The following DLGAP2 variants were observed in gnomAD, a reference collection of about 807,000 sequenced individuals.
The protein encoded by DLGAP2 is DLG associated protein 2, also known as disks large-associated protein 2.
DLGAP2 carries 26 observed loss-of-function variants against 100.3 expected under a neutral mutation model. The observed-to-expected ratio is 0.26, with a 90% CI of 0.19 to 0.36. The LOEUF (loss-of-function observed/expected upper bound fraction) is 0.36, where lower values mean the gene tolerates loss of function less well. Ranked by LOEUF, DLGAP2 falls within the 10% of genes least tolerant of loss-of-function variation. DLGAP2 has a pLI of 1.00. For synonymous variants in DLGAP2, 886 were observed against 630.1 expected, an observed-to-expected ratio of 1.41 and a Z score of -6.08; for missense variants, 1,858 against 1,453.2, an observed-to-expected ratio of 1.28 and a Z score of -4.53.
intron 2 of DLGAP2, among the ~76,000 whole-genome samples, chr8:1,196,344 G>T (rs554955199): frequency 1.3e-5 from 2 of 152,350 alleles, no homozygotes; most frequent in South Asian, 4.1e-4. Flanking sequence ...CCTGTTTGGA[G>T]TGTACCTGTC....
chr8:1,283,826 CA>C (rs1236520768), intron 3 of DLGAP2, among the ~76,000 whole-genome samples: 2 of 152,142 alleles, frequency 1.3e-5, no homozygotes, highest in African/African-American at 4.8e-5. Flanking sequence ...TAAGCACTAC[CA>C]CACTTAAAGT....
At chr8:1,422,324 CAATT>C (rs1211060383) in intron 3 of DLGAP2, among the ~76,000 whole-genome samples, 1 of 151,898 alleles carries the variant, frequency 6.6e-6, no homozygotes, top group Admixed American at 6.6e-5. Flanking sequence ...TGCATTCCAG[CAATT>C]AATTATGTAC....
chr8:1,430,934 G>A (rs748578929), intron 3 of DLGAP2, among the ~76,000 whole-genome samples: 13 of 152,196 alleles, frequency 8.5e-5, no homozygotes, highest in Non-Finnish European at 1.8e-4. Context: ...GCTGTTGACT[G>A]TCTCTGGGGT....
At chr8:1,632,508 G>A (rs1797671828) in intron 7 of DLGAP2, among the ~76,000 whole-genome samples, 1 of 152,168 alleles carries the variant, frequency 6.6e-6, no homozygotes, top group African/African-American at 2.4e-5. Flanking sequence ...TTTGTACCAG[G>A]TACTTTGCTA....
chr8:848,930 TG>T, intron 1 of DLGAP2, among the ~76,000 whole-genome samples: 1 of 150,990 alleles, frequency 6.6e-6, no homozygotes, highest in Non-Finnish European at 1.5e-5. Flanking sequence ...GCGCGGTGCC[TG>T]TTCCAGCATA....
chr8:977,542 G>A (rs962218966), intron 2 of DLGAP2, among the ~76,000 whole-genome samples: 4 of 152,130 alleles, frequency 2.6e-5, no homozygotes, highest in Non-Finnish European at 4.4e-5. Context: ...TTAGTTTTGG[G>A]TACTTATTTT....
At chr8:1,680,296 G>C (rs1052395761) in intron 12 of DLGAP2, among the ~76,000 whole-genome samples, 5 of 152,212 alleles carry the variant, frequency 3.3e-5, no homozygotes, top group African/African-American at 1.2e-4. Flanking sequence ...TTCATTTCTA[G>C]ATGGCTGTTT....
At chr8:1,067,792 C>G (rs1009222912) in intron 2 of DLGAP2, among the ~76,000 whole-genome samples, 1 of 152,070 alleles carries the variant, frequency 6.6e-6, no homozygotes, top group African/African-American at 2.4e-5. Context: ...GCTGATGGAC[C>G]AACACGACAC....
chr8:1,699,914 T>C (rs1028320083), intron 14 of DLGAP2, among the ~76,000 whole-genome samples: 2 of 152,200 alleles, frequency 1.3e-5, no homozygotes, highest in Non-Finnish European at 2.9e-5. Flanking sequence ...AGGAAACAGA[T>C]CCTCTTCTCT....
intron 3 of DLGAP2, among the ~76,000 whole-genome samples, chr8:1,436,425 G>T (rs771775354): frequency 6.6e-6 from 1 of 152,130 alleles, no homozygotes; most frequent in African/African-American, 2.4e-5. Context: ...TAGCCGTGCT[G>T]GCAGCCGAAT....
intron 1 of DLGAP2, among the ~76,000 whole-genome samples, chr8:870,624 G>C (rs931816942): frequency 6.6e-6 from 1 of 151,910 alleles, no homozygotes; most frequent in African/African-American, 2.4e-5. Context: ...CATTCTTTTG[G>C]TTTTCCTTCC....
rs78870424 is a variant in DLGAP2 at position 756,078 on chromosome 8, C to T, written c.18+18253C>T. ...GCCAGGCTGTGAGGGCCTTTTAGGT[C>T]ATGTTAGCGGCTTTTTTTGTGCTAA... On this transcript the variant is annotated intron_variant, in intron 1 of 14. Transcript: ENST00000637795. Among the ~76,000 whole-genome samples, 4 of 152,226 alleles carry T rather than the reference C, an allele frequency of 2.6e-5. No individual in the cohort carries two copies. The East Asian group carries it at 7.7e-4, about 29-fold the overall frequency.
rs1349122138 is a variant in DLGAP2 at position 1,705,128 on chromosome 8, T to A, written c.*3722T>A. On this transcript the variant is annotated 3_prime_UTR_variant, in exon 15 of 15. Coordinates refer to ENST00000637795, the MANE Select transcript of DLGAP2 (RefSeq NM_001346810.2). Reference sequence around the variant, plus strand: ...CTGTGTTTGCAGCGCCTGTGGTAACTGTGGAATGAGCTCTGTTAGGGACAG... The same window carrying A: ...CTGTGTTTGCAGCGCCTGTGGTAACAGTGGAATGAGCTCTGTTAGGGACAG... The A allele has an allele frequency of 6.6e-6, 1 of 152,248 alleles. No homozygotes were observed. Among genetic ancestry groups the A allele is most frequent in the Admixed American group, 6.5e-5 (1 of 15,286 alleles). The allele number at this position is 152,248 out of a possible 1,614,324, so 9.4% of individuals were successfully genotyped here.
At chr8:1,520,908 C>T (rs892681452) in intron 4 of DLGAP2, among the ~76,000 whole-genome samples, 1 of 152,164 alleles carries the variant, frequency 6.6e-6, no homozygotes, top group Non-Finnish European at 1.5e-5. Flanking sequence ...TGGTGAGTGC[C>T]TAGTTTTGTA....
At chr8:1,518,446 G>C (rs533215619) in intron 4 of DLGAP2, among the ~76,000 whole-genome samples, 1 of 152,300 alleles carries the variant, frequency 6.6e-6, no homozygotes, top group Admixed American at 6.5e-5. Context: ...CTTCATGTAT[G>C]CTTGTGCATT....
Position 1,652,019 on chromosome 8 carries a change from G to A in DLGAP2, c.1811-16310G>A, listed in dbSNP as rs578004446. Among the ~76,000 whole-genome samples, 40 of 152,328 alleles carry A rather than the reference G, an allele frequency of 2.6e-4. 1 individual carries two copies. In the South Asian group the frequency reaches 7.9e-3, roughly 30 times the overall value. ...CGTTTCTGCAAGCCCCACTTGCCCA[G>A]TGAGGCTTTCTCTTTTTCCTTGAGA... On this transcript the variant is annotated intron_variant, in intron 8 of 14. Transcript: ENST00000637795.
At chr8:1,285,622 A>G (rs2116957659) in intron 3 of DLGAP2, among the ~76,000 whole-genome samples, 1 of 152,294 alleles carries the variant, frequency 6.6e-6, no homozygotes, top group African/African-American at 2.4e-5. Flanking sequence ...GCTTTTTCAG[A>G]GGGGAAAAAA....
intron 2 of DLGAP2, among the ~76,000 whole-genome samples, chr8:973,435 G>A (rs1800073729): frequency 6.6e-6 from 1 of 152,000 alleles, no homozygotes; most frequent in South Asian, 2.1e-4. Context: ...CTCCCAGACG[G>A]GGTCACGGCC....
chr8:1,180,743 G>C (rs1369083783), intron 2 of DLGAP2, among the ~76,000 whole-genome samples: 1 of 151,940 alleles, frequency 6.6e-6, no homozygotes, highest in African/African-American at 2.4e-5. Context: ...CATTGAGTCT[G>C]TGTGGGTGTG....
Sources: gnomAD v4.1 joint callset for allele counts (sites outside exome capture counted in the v4.1 genomes callset) on GRCh38, gnomAD v4.1.1 for gene constraint, MANE v1.5 for transcripts, NCBI Gene and HGNC (gene_info 2026-07-23, HGNC 2026-07-21) for gene names.